The following DOP1B variants were observed in gnomAD, a reference collection of about 807,000 sequenced individuals.
The protein encoded by DOP1B is DOP1 leucine zipper like protein B, also known as protein DOP1B.
In DOP1B, 174 loss-of-function variants were observed where a neutral mutation model predicts 233.5. The ratio of observed to expected loss-of-function variants is 0.75; its 90% CI spans 0.66 to 0.85. DOP1B has a LOEUF of 0.85. DOP1B is among the 40% of genes least tolerant of loss of function. The probability of loss-of-function intolerance (pLI) is 0.00; values close to 1 mark genes in which losing one functional copy is unlikely to be tolerated. For synonymous variants in DOP1B, 1,190 were observed against 1,185.6 expected (o/e 1.00, Z -0.08); for missense variants, 2,652 against 2,846.6 (o/e 0.93, Z 1.56).
intron 32 of DOP1B, among the ~76,000 whole-genome samples, chr21:36,283,425 C>CTT (rs35266172): frequency 0.41 from 62,880 of 151,888 alleles, 13,092 homozygotes; most frequent in Middle Eastern, 0.51. Flanking sequence ...AGCGTTGACT[C>CTT]GTTAGTCATG....
chr21:36,233,212 AGCC>A (rs1313085574), intron 15 of DOP1B, 137 bp downstream of exon 15: 1 of 1,199,678 alleles, frequency 8.3e-7, no homozygotes, highest in African/African-American at 1.5e-5. Context: ...CAGAGGCAGT[AGCC>A]TTTGGTCTTC....
At chr21:36,288,956 G>T (rs1168520879) in intron 34 of DOP1B, 89 bp from the exon 35 acceptor site, 2 of 1,538,688 alleles carry the variant, frequency 1.3e-6, no homozygotes, top group South Asian at 1.2e-5. Context: ...TTCTTAAAAA[G>T]AAAATTCTTC....
chr21:36,198,665 T>C (rs968331205), intron 2 of DOP1B, among the ~76,000 whole-genome samples: 1 of 152,112 alleles, frequency 6.6e-6, no homozygotes, highest in Admixed American at 6.6e-5. Flanking sequence ...GGTGCTGTTT[T>C]CCTCCTGGAG....
chr21:36,246,467 A>G lies in DOP1B; in HGVS notation c.4487A>G (p.Gln1496Arg). The G allele has an allele frequency of 6.2e-7, 1 of 1,613,996 alleles. No homozygotes were observed. The highest frequency in any genetic ancestry group is 8.5e-7 in the Non-Finnish European group (1 of 1,179,984). ...GTGCAGCCCCACCCCCTCACCTCCC[A>G]GGGTCTTCTGGTCTCTGCGGTGGTG... is the stretch of plus-strand genomic sequence containing the variant. ...QYVQPHPLTS[Q>R]GLLVSAVVRG... Residue 1496 changes from glutamine to arginine, a missense_variant, in exon 19 of 37, where the codon CAG becomes CGG. By Grantham distance (43) the Gln-to-Arg change is conservative. This residue lies in a region of DOP1B where 2,617 missense variants were observed against 2,794.3 expected (regional missense o/e 0.94). Transcript: ENST00000691173. The surrounding 1 kb of genome is among the most constrained non-coding windows in gnomAD (Gnocchi z 5.1).
intron 21 of DOP1B, 22 bp from the exon 22 acceptor site, chr21:36,251,140 C>CTT: frequency 6.3e-7 from 1 of 1,596,378 alleles, no homozygotes; most frequent in Admixed American, 1.8e-5. Flanking sequence ...TCTGCAGTAA[C>CTT]TTTTTTTTCC....
rs189062172 is a variant in DOP1B at position 36,259,804 on chromosome 21, G to T, written c.5260-873G>T. On this transcript the variant is annotated intron_variant, in intron 23 of 36. Coordinates refer to ENST00000691173, the MANE Select transcript of DOP1B (RefSeq NM_001320714.2). ...GTCTTTCCTGGGCTATAAAGGAACC[G>T]GATTTTATCTAGCTGACTGATTTTT... is the stretch of plus-strand genomic sequence containing the variant. 2.6e-5 allele frequency among the ~76,000 whole-genome samples: 4 copies of T among 152,212 alleles called. No homozygotes were observed. In the East Asian group the frequency reaches 7.7e-4, roughly 29 times the overall value.
chr21:36,231,679 GTT>G (rs1224600446), intron 14 of DOP1B, among the ~76,000 whole-genome samples: 12 of 131,900 alleles, frequency 9.1e-5, no homozygotes, highest in Admixed American at 2.3e-4. Flanking sequence ...GGGTTTTTTT[GTT>G]TTTTTTTTTT....
intron 18 of DOP1B, among the ~76,000 whole-genome samples, chr21:36,244,833 A>G (rs1177760041): frequency 6.6e-6 from 1 of 152,246 alleles, no homozygotes; most frequent in Admixed American, 6.5e-5. Flanking sequence ...CAATGTAACT[A>G]AATGATCCCA....
chr21:36,176,438 G>A lies in DOP1B; in HGVS notation c.138+11567G>A, dbSNP rs1021824521. On this transcript the variant is annotated intron_variant, in intron 2 of 36. Coordinates refer to ENST00000691173, the MANE Select transcript of DOP1B (RefSeq NM_001320714.2). ...CATCTTTCAGCCTGCAGGGTGCCTG[G>A]TTTCATCTCAGCATCTCACTTGTAG... Among the ~76,000 whole-genome samples, 3 of 152,174 alleles carry A rather than the reference G, an allele frequency of 2.0e-5. No homozygotes were observed. In the South Asian group the frequency reaches 6.2e-4, roughly 32 times the overall value.
chr21:36,249,320 C>T (rs1337455625), intron 21 of DOP1B, among the ~76,000 whole-genome samples: 1 of 152,188 alleles, frequency 6.6e-6, no homozygotes, highest in East Asian at 1.9e-4. Flanking sequence ...CCGAGCTACT[C>T]AGGAGGCCGA....
At chr21:36,215,431 C>T (rs879691964) in intron 9 of DOP1B, among the ~76,000 whole-genome samples, 15 of 151,978 alleles carry the variant, frequency 9.9e-5, no homozygotes, top group Non-Finnish European at 1.6e-4. Flanking sequence ...GGCAGAGTCT[C>T]GCTCTGTTGC....
At chr21:36,258,998 C>T (rs1415350766) in intron 23 of DOP1B, among the ~76,000 whole-genome samples, 5 of 123,564 alleles carry the variant, frequency 4.0e-5, no homozygotes, top group Admixed American at 9.6e-5. Context: ...TTTTTTGAGA[C>T]GAAGTCTTGC....
At chr21:36,239,320 C>T (rs1245265926) in intron 17 of DOP1B, among the ~76,000 whole-genome samples, 2 of 152,172 alleles carry the variant, frequency 1.3e-5, no homozygotes, top group Non-Finnish European at 2.9e-5. Context: ...GTCAGATGGC[C>T]TAGACCTCCC....
At chr21:36,197,269 T>C (rs2066302413) in intron 2 of DOP1B, among the ~76,000 whole-genome samples, 1 of 152,110 alleles carries the variant, frequency 6.6e-6, no homozygotes. Flanking sequence ...TTTATTGAAT[T>C]TGAGAATTCA....
intron 10 of DOP1B, among the ~76,000 whole-genome samples, chr21:36,222,057 T>C (rs992531259): frequency 1.5e-4 from 23 of 151,858 alleles, no homozygotes; most frequent in African/African-American, 4.8e-4. Context: ...TTTTTAGTAG[T>C]GACAGAGTTT....
chr21:36,218,609 G>A (rs1440020083), intron 9 of DOP1B, among the ~76,000 whole-genome samples: 2 of 152,174 alleles, frequency 1.3e-5, no homozygotes, highest in South Asian at 2.1e-4. Flanking sequence ...ACATCTTTTG[G>A]TTTTGTGAAA....
In DOP1B at chr21:36,246,296, T is replaced by G. The variant is rs373928287; in HGVS notation, c.4316T>G (p.Ile1439Ser). ...ATCTGGAGTGAGCACCCGCTGCAGATTGAGCTGCTGAAGCTGCTGCAGGTG... is the reference window on the plus strand; with the variant it reads ...ATCTGGAGTGAGCACCCGCTGCAGAGTGAGCTGCTGAAGCTGCTGCAGGTG... Reference protein sequence around the residue: ...DQIWSEHPLQIELLKLLQVLI... With the variant: ...DQIWSEHPLQSELLKLLQVLI... The change falls in exon 19 of 37, where the codon ATT becomes AGT. Residue 1439 changes from isoleucine to serine, a missense_variant. By Grantham distance (142) the Ile-to-Ser change is moderately radical. Coordinates refer to ENST00000691173, the MANE Select transcript of DOP1B (RefSeq NM_001320714.2). The surrounding 1 kb of genome is among the most constrained non-coding windows in gnomAD (Gnocchi z 5.1). 1 of 1,613,986 alleles carries G rather than the reference T, an allele frequency of 6.2e-7. No homozygotes were observed. The highest frequency in any genetic ancestry group is 1.7e-5 in the Admixed American group (1 of 60,020).
At chr21:36,289,793 A>G (rs973993529) in intron 35 of DOP1B, among the ~76,000 whole-genome samples, 8 of 152,196 alleles carry the variant, frequency 5.3e-5, no homozygotes, top group Non-Finnish European at 1.2e-4. Context: ...AGCCAGTCTG[A>G]AAAGGCTACA....
At chr21:36,173,247 A>T (rs2065989118) in intron 2 of DOP1B, among the ~76,000 whole-genome samples, 1 of 152,122 alleles carries the variant, frequency 6.6e-6, no homozygotes, top group Non-Finnish European at 1.5e-5. Flanking sequence ...ATAATGCATA[A>T]AACTTAGATT....
Sources: allele counts gnomAD v4.1 joint callset (sites outside exome capture counted in the v4.1 genomes callset), GRCh38; gene constraint gnomAD v4.1.1; regional missense constraint gnomAD v4.1.1; non-coding constraint Gnocchi (gnomAD v3.1); transcripts MANE v1.5; gene names NCBI Gene and HGNC (gene_info 2026-07-23, HGNC 2026-07-21).